The following TMPRSS11F variants were observed in gnomAD, a reference collection of about 807,000 sequenced individuals.
TMPRSS11F encodes the protein transmembrane serine protease 11F, also known as transmembrane protease serine 11F.
Under a neutral mutation model 60.2 loss-of-function variants are expected in TMPRSS11F, and 47 were observed. The ratio of observed to expected loss-of-function variants is 0.78; its 90% CI spans 0.62 to 1.00. The LOEUF is 1.00. Ranked by LOEUF, TMPRSS11F falls within the 50% of genes least tolerant of loss-of-function variation. TMPRSS11F has a pLI of 0.00. For synonymous variants in TMPRSS11F, 166 were observed against 167.3 expected (o/e 0.99, Z 0.06); for missense variants, 519 against 522.9 (o/e 0.99, Z 0.07).
In TMPRSS11F at chr4:68,053,309, T is replaced by C. The variant is rs1282630403; in HGVS notation, c.*600A>G. Reference sequence around the variant, plus strand: ...TGCTTCCTGAAGCTAGTGCTTGAGTTATAACACTGTGTTAACAGCAAGTTC... The same window carrying C: ...TGCTTCCTGAAGCTAGTGCTTGAGTCATAACACTGTGTTAACAGCAAGTTC... On this transcript the variant is annotated 3_prime_UTR_variant, in exon 10 of 10. Transcript: ENST00000356291. The C allele has an allele frequency of 2.0e-5, 3 of 152,720 alleles. No homozygotes were observed. Among genetic ancestry groups the C allele is most frequent in the Middle Eastern group, 6.8e-3 (2 of 294 alleles). The allele number at this position is 152,720 out of a possible 1,614,324, so 9.5% of individuals were successfully genotyped here.
intron 1 of TMPRSS11F, among the ~76,000 whole-genome samples, chr4:68,116,891 G>T (rs965623233): frequency 6.6e-6 from 1 of 152,066 alleles, no homozygotes; most frequent in African/African-American, 2.4e-5. Context: ...AAAACTCTTA[G>T]AAGAAAACAT....
At chr4:68,059,121 A>G (rs904813643) in intron 9 of TMPRSS11F, among the ~76,000 whole-genome samples, 7 of 152,158 alleles carry the variant, frequency 4.6e-5, no homozygotes, top group African/African-American at 1.7e-4. Flanking sequence ...ATTAAATGAA[A>G]TAATGTATAA....
At chr4:68,112,398 T>C (rs1724425070) in intron 1 of TMPRSS11F, among the ~76,000 whole-genome samples, 1 of 152,172 alleles carries the variant, frequency 6.6e-6, no homozygotes, top group Non-Finnish European at 1.5e-5. Flanking sequence ...AAAAGTGACA[T>C]CATTTTATTA....
At chr4:68,063,906 TAAAC>T (rs545866236) in intron 8 of TMPRSS11F, among the ~76,000 whole-genome samples, 54 of 152,142 alleles carry the variant, frequency 3.5e-4, no homozygotes, top group African/African-American at 1.0e-3. Context: ...ATAATTAAAA[TAAAC>T]AAAGGAAAAA....
chr4:68,097,384 G>C (rs1021506751), intron 2 of TMPRSS11F, among the ~76,000 whole-genome samples: 3 of 152,046 alleles, frequency 2.0e-5, no homozygotes, highest in African/African-American at 7.2e-5. Context: ...TTCCTTTGCT[G>C]ATGGTCCCAT....
chr4:68,059,969 T>C (rs1010066030), intron 8 of TMPRSS11F, among the ~76,000 whole-genome samples: 1 of 152,140 alleles, frequency 6.6e-6, no homozygotes, highest in Non-Finnish European at 1.5e-5. Context: ...ATGCCCAATA[T>C]GTGCTAGTGA....
At chr4:68,120,161 T>A (rs1175926956) in intron 1 of TMPRSS11F, among the ~76,000 whole-genome samples, 1 of 152,190 alleles carries the variant, frequency 6.6e-6, no homozygotes, top group Non-Finnish European at 1.5e-5. Context: ...TTGCTTCTTA[T>A]GGATCAAAAA....
At chr4:68,089,636 CTCT>C (rs1455772560) in intron 3 of TMPRSS11F, among the ~76,000 whole-genome samples, 1 of 151,994 alleles carries the variant, frequency 6.6e-6, no homozygotes, top group Non-Finnish European at 1.5e-5. Flanking sequence ...AATGGAAATG[CTCT>C]TATTGCTTTT....
At chr4:68,093,576 C>T (rs6829025) in intron 2 of TMPRSS11F, among the ~76,000 whole-genome samples, 46,096 of 151,518 alleles carry the variant, frequency 0.3, 7,094 homozygotes, top group East Asian at 0.49. Context: ...AGAGCTTCTG[C>T]ACAGCAAAAG....
chr4:68,077,038 A>G (rs2109851119), intron 3 of TMPRSS11F, among the ~76,000 whole-genome samples: 1 of 152,236 alleles, frequency 6.6e-6, no homozygotes, highest in East Asian at 1.9e-4. Flanking sequence ...GCCACACCAA[A>G]GCCAGGGGGC....
chr4:68,054,170 C>A, intron 9 of TMPRSS11F, 103 bp from the exon 10 acceptor site: 2 of 972,060 alleles, frequency 2.1e-6, no homozygotes, highest in South Asian at 3.3e-5. Flanking sequence ...GTACACAGAC[C>A]ACAGCCAGAC....
chr4:68,054,978 TC>T (rs1209725635), intron 9 of TMPRSS11F, among the ~76,000 whole-genome samples: 20 of 152,126 alleles, frequency 1.3e-4, no homozygotes, highest in Admixed American at 1.3e-3. Flanking sequence ...CAGGAAAGTT[TC>T]CCCTGATGAG....
intron 3 of TMPRSS11F, among the ~76,000 whole-genome samples, chr4:68,087,534 T>C (rs1241338414): frequency 6.6e-6 from 1 of 151,936 alleles, no homozygotes; most frequent in African/African-American, 2.4e-5. Context: ...GAGAAAAAAG[T>C]AAAAGGCATC....
intron 3 of TMPRSS11F, among the ~76,000 whole-genome samples, chr4:68,079,702 AT>A (rs1298128419): frequency 2.0e-5 from 3 of 152,240 alleles, no homozygotes; most frequent in Admixed American, 2.0e-4. Context: ...AGAATAGATC[AT>A]TTTACTAGAG....
intron 7 of TMPRSS11F, among the ~76,000 whole-genome samples, 169 bp from the exon 8 acceptor site, chr4:68,065,113 CAATT>C (rs1217417659): frequency 2.0e-5 from 3 of 152,076 alleles, no homozygotes; most frequent in Admixed American, 6.5e-5. Flanking sequence ...AAATTTATTA[CAATT>C]AATTATGTAC....
chr4:68,098,402 C>T (rs1029199666), intron 2 of TMPRSS11F, among the ~76,000 whole-genome samples: 1 of 152,104 alleles, frequency 6.6e-6, no homozygotes, highest in Non-Finnish European at 1.5e-5. Context: ...TCCATTTTTG[C>T]ATATATAATT....
intron 1 of TMPRSS11F, among the ~76,000 whole-genome samples, chr4:68,119,794 T>C (rs1724588162): frequency 6.6e-6 from 1 of 152,228 alleles, no homozygotes; most frequent in Non-Finnish European, 1.5e-5. Flanking sequence ...GAGTCTATTC[T>C]GCAGTCCACG....
At chr4:68,129,004 A>G (rs1052090000) in intron 1 of TMPRSS11F, among the ~76,000 whole-genome samples, 1 of 152,158 alleles carries the variant, frequency 6.6e-6, no homozygotes, top group Non-Finnish European at 1.5e-5. Flanking sequence ...TCACAAAATC[A>G]TGATTAAGTT....
At chr4:68,106,109 T>C (rs1724298356) in intron 1 of TMPRSS11F, among the ~76,000 whole-genome samples, 1 of 152,164 alleles carries the variant, frequency 6.6e-6, no homozygotes, top group African/African-American at 2.4e-5. Flanking sequence ...ATTATGTCCA[T>C]ATCATTAAAA....
Sources: allele counts gnomAD v4.1 joint callset (sites outside exome capture counted in the v4.1 genomes callset), GRCh38; gene constraint gnomAD v4.1.1; transcripts MANE v1.5; gene names NCBI Gene and HGNC (gene_info 2026-07-23, HGNC 2026-07-21).